Variants in TTLL12 observed in about 807,000 individuals in gnomAD.
TTLL12 encodes tubulin tyrosine ligase like 12.
Under a neutral mutation model 79.6 loss-of-function variants are expected in TTLL12, and 77 were observed. The observed-to-expected ratio is 0.97, with a 90% CI of 0.81 to 1.17. TTLL12 has a LOEUF of 1.17. TTLL12 is among the 50% of genes most tolerant of loss of function. The probability of loss-of-function intolerance (pLI) is 0.00; values close to 1 mark genes in which losing one functional copy is unlikely to be tolerated. For synonymous variants in TTLL12, 437 were observed against 376.1 expected, an observed-to-expected ratio of 1.16 and a Z score of -1.87; for missense variants, 969 against 895.9, an observed-to-expected ratio of 1.08 and a Z score of -1.04.
chr22:43,186,189 ACCC>A (rs59941359), intron 1 of TTLL12, among the ~76,000 whole-genome samples: 1,174 of 82,208 alleles, frequency 0.014, 55 homozygotes, highest in African/African-American at 0.043. Flanking sequence ...TAAAGAAAAC[ACCC>A]CCCCCCCCGC....
At chr22:43,181,850 T>TA (rs1025311082) in intron 2 of TTLL12, among the ~76,000 whole-genome samples, 1 of 152,214 alleles carries the variant, frequency 6.6e-6, no homozygotes. Flanking sequence ...GCACTTGTGT[T>TA]AGAGTGGGTG....
chr22:43,167,117 G>A lies in TTLL12; in HGVS notation c.*891C>T, dbSNP rs1270831824. On this transcript the variant is annotated 3_prime_UTR_variant, in exon 14 of 14. Coordinates refer to ENST00000216129, the MANE Select transcript of TTLL12 (RefSeq NM_015140.4). ...ACATTTTGACTGTAGACCCTGGTAG[G>A]TGGCATCTGACTTTAACCTGAAGTT... The A allele has an allele frequency of 5.9e-6, 3 of 504,594 alleles. No homozygotes were observed. Among genetic ancestry groups the A allele is most frequent in the Non-Finnish European group, 1.2e-5 (3 of 242,734 alleles). The allele number at this position is 504,594 out of a possible 1,614,324, so 31.3% of individuals were successfully genotyped here. A position where few individuals can be genotyped will look rare whatever the true frequency, so the allele number is the denominator to read the frequency against.
chr22:43,186,977 G>A lies in TTLL12; in HGVS notation c.93C>T (p.Phe31=). 2.3e-6 allele frequency: 3 copies of A among 1,310,674 alleles called. No individual in the cohort carries two copies. Among genetic ancestry groups the A allele is most frequent in the Non-Finnish European group, 1.9e-6 (2 of 1,026,752 alleles). The allele number at this position is 1,310,674 out of a possible 1,614,324, so 81.2% of individuals were successfully genotyped here. A position where few individuals can be genotyped will look rare whatever the true frequency, so the allele number is the denominator to read the frequency against. ...PEEGAQALAE[F]AALHGPALRA... ...GCAGCGCCGGGCCGTGCAGCGCCGC[G>A]AACTCGGCCAAGGCCTGCGCGCCCT... The change falls in exon 1 of 14, where the codon TTC becomes TTT. Residue 31 remains phenylalanine, a synonymous_variant. Transcript: ENST00000216129.
intron 2 of TTLL12, among the ~76,000 whole-genome samples, chr22:43,181,793 TTA>T (rs772449351): frequency 2.6e-4 from 39 of 152,338 alleles, no homozygotes; most frequent in Non-Finnish European, 2.6e-4. Context: ...CTTATTGTGC[TTA>T]TATGAGTTTT....
chr22:43,179,382 G>A (rs1931994145), intron 5 of TTLL12, among the ~76,000 whole-genome samples: 2 of 152,052 alleles, frequency 1.3e-5, no homozygotes, highest in African/African-American at 4.8e-5. Context: ...ACCCCCTGAG[G>A]ACGGATGCCA....
chr22:43,169,409 T>A, intron 12 of TTLL12, 91 bp downstream of exon 12: 1 of 1,147,508 alleles, frequency 8.7e-7, no homozygotes, highest in Non-Finnish European at 1.2e-6. Flanking sequence ...TCCCAGCCCA[T>A]GCCAGCAGAG....
Position 43,183,881 on chromosome 22 carries a change from T to G in TTLL12, c.178-732A>C, listed in dbSNP as rs9620119. ...AGCCAGGCTGTGTGGGTTCAAATCT[T>G]GGTTTCACCACTTCCTAGACAAGTG... On this transcript the variant is annotated intron_variant, in intron 1 of 13. Coordinates refer to ENST00000216129, the MANE Select transcript of TTLL12 (RefSeq NM_015140.4). Among the ~76,000 whole-genome samples the G allele has an allele frequency of 3.6e-3, 544 of 152,372 alleles. 4 individuals are homozygous for G. Among genetic ancestry groups the G allele is most frequent in the African/African-American group, 0.013 (529 of 41,594 alleles).
chr22:43,174,275 G>C lies in TTLL12; in HGVS notation c.1163C>G (p.Pro388Arg), dbSNP rs764042589. ...CTCAGTGCGCAGGTTGAAGGTTCGG[G>C]GCAGCCAGGGTGGGCCCTCGGGGCC... Reference protein sequence around the residue: ...AGGPEGPPWLPRTFNLRTELP... With the variant: ...AGGPEGPPWLRRTFNLRTELP... Residue 388 changes from proline to arginine, a missense_variant, in exon 8 of 14, where the codon CCC becomes CGC. By Grantham distance (103) the Pro-to-Arg change is moderately radical. Coordinates refer to ENST00000216129, the MANE Select transcript of TTLL12 (RefSeq NM_015140.4). 1 of 1,610,934 alleles carries C rather than the reference G, an allele frequency of 6.2e-7. No individual in the cohort carries two copies. Among genetic ancestry groups the C allele is most frequent in the Non-Finnish European group, 8.5e-7 (1 of 1,179,830 alleles).
At position 43,180,725 on chromosome 22, in the gene TTLL12, C is replaced by T. The variant is rs1024979935; in HGVS notation, c.546+17G>A. 6.2e-7 allele frequency: 1 copy of T among 1,611,916 alleles called. No individual in the cohort carries two copies. The highest frequency in any genetic ancestry group is 8.5e-7 in the Non-Finnish European group (1 of 1,179,338). ...ATGCCTGTCCTCCCCCTCCCCGGGG[C>T]CCAGCTACCCACTCACCCCATGGGC... On this transcript the variant is annotated intron_variant, in intron 3 of 13. Transcript: ENST00000216129.
chr22:43,182,530 C>T (rs530243509), intron 2 of TTLL12, among the ~76,000 whole-genome samples: 6 of 152,188 alleles, frequency 3.9e-5, no homozygotes, highest in Non-Finnish European at 7.4e-5. Flanking sequence ...CTCAGCTCTG[C>T]CCTAACTACA....
At chr22:43,179,557 GCA>G in intron 5 of TTLL12, 60 bp downstream of exon 5, 1 of 1,502,212 alleles carries the variant, frequency 6.7e-7, no homozygotes, top group Non-Finnish European at 8.8e-7. Flanking sequence ...TTTGGTGTGT[GCA>G]CAGAGAACAT....
Position 43,174,386 on chromosome 22 carries a change from C to A in TTLL12, c.1052G>T (p.Arg351Met). Residue 351 changes from arginine (R) to methionine (M), a missense_variant, in exon 8 of 14, where the codon AGG becomes ATG. Arg to Met is a moderately conservative substitution (Grantham distance 91, BLOSUM62 -1). Transcript: ENST00000216129. Reference sequence around the variant, plus strand: ...GAACTGGTTCAGCAGCACGCCTGGCCTCTCCTGGCTGAGTTTCCTGCAGGG... The same window carrying A: ...GAACTGGTTCAGCAGCACGCCTGGCATCTCCTGGCTGAGTTTCCTGCAGGG... Reference protein sequence around the residue: ...FKDYRKLSQERPGVLLNQFPC... With the variant: ...FKDYRKLSQEMPGVLLNQFPC... 3.8e-6 allele frequency: 6 copies of A among 1,565,086 alleles called. No individual in the cohort carries two copies. Among genetic ancestry groups the A allele is most frequent in the Non-Finnish European group, 5.2e-6 (6 of 1,150,796 alleles).
Position 43,180,824 on chromosome 22 carries a change from C to T in TTLL12, c.464G>A (p.Gly155Asp), listed in dbSNP as rs780655282. The T allele has an allele frequency of 1.9e-6, 3 of 1,613,196 alleles. No homozygotes were observed. Among genetic ancestry groups the T allele is most frequent in the Non-Finnish European group, 2.5e-6 (3 of 1,179,988 alleles). The change falls in exon 3 of 14, where the codon GGT becomes GAT. Residue 155 changes from glycine (G) to aspartate (D), a missense_variant. Transcript: ENST00000216129. ...CACAGCCTCTGTACTGGGCAGCTCA[C>T]CGTGGAACTCAATGCCCATCAGGTT... ...MANLMGIEFHGELPSTEAVAL... is the reference protein window; with the variant it reads ...MANLMGIEFHDELPSTEAVAL...
intron 2 of TTLL12, 129 bp downstream of exon 2, chr22:43,182,851 G>A (rs1932092035): frequency 7.0e-6 from 9 of 1,288,782 alleles, no homozygotes; most frequent in Non-Finnish European, 7.4e-6. Context: ...CTGGCCACAC[G>A]TGCTTGCCAC....
chr22:43,176,192 G>T, intron 6 of TTLL12, 128 bp downstream of exon 6: 1 of 706,804 alleles, frequency 1.4e-6, no homozygotes, highest in South Asian at 1.6e-5. Context: ...GCTGTGCCCA[G>T]ACAGGATGCG....
rs374459821 is a variant in TTLL12 at position 43,181,757 on chromosome 22, TG to T, written c.348-818del. ...ACAGCCAGTGTTCCAGTTCTTAGGC[TG>T]GGGGGCAAGTTCAGGAGTATTTATC... On this transcript the variant is annotated intron_variant, in intron 2 of 13. Coordinates refer to ENST00000216129, the MANE Select transcript of TTLL12 (RefSeq NM_015140.4). Among the ~76,000 whole-genome samples the T allele has an allele frequency of 3.0e-3, 456 of 152,290 alleles. 4 individuals carry two copies. The highest frequency in any genetic ancestry group is 0.011 in the African/African-American group (439 of 41,556).
At chr22:43,177,216 A>C (rs888170947) in intron 5 of TTLL12, among the ~76,000 whole-genome samples, 2 of 151,862 alleles carry the variant, frequency 1.3e-5, no homozygotes, top group Non-Finnish European at 2.9e-5. Context: ...GAAAAGTTGA[A>C]TAATTAGCGG....
rs758490729 is a variant in TTLL12, at chr22:43,180,871, G to A, written c.417C>T (p.Pro139=). The change falls in exon 3 of 14, where the codon CCC becomes CCT. Residue 139 remains proline, a synonymous_variant. Transcript: ENST00000216129. Reference sequence around the variant, plus strand: ...GGTTGGCCATGCGGTGCAGCAGCCCGGGCACCTGCTGCAGCTGCTGGCGCG... The same window carrying A: ...GGTTGGCCATGCGGTGCAGCAGCCCAGGCACCTGCTGCAGCTGCTGGCGCG... ...EHARQQLQQV[P]GLLHRMANLM... The A allele has an allele frequency of 2.6e-5, 42 of 1,612,828 alleles. No homozygotes were observed. The highest frequency in any genetic ancestry group is 3.2e-5 in the Non-Finnish European group (38 of 1,179,934).
intron 5 of TTLL12, 138 bp from the exon 6 acceptor site, chr22:43,176,534 A>G (rs56878018): frequency 0.1 from 71,944 of 702,794 alleles, 4,087 homozygotes; most frequent in African/African-American, 0.17. Flanking sequence ...GCTCGAGACC[A>G]GCCTGGCCAA....
Sources: allele counts gnomAD v4.1 joint callset (sites outside exome capture counted in the v4.1 genomes callset), GRCh38; gene constraint gnomAD v4.1.1; transcripts MANE v1.5; gene names NCBI Gene and HGNC (gene_info 2026-07-23, HGNC 2026-07-21).